PRKDC: variants seen among roughly 807,000 people sequenced by gnomAD.
PRKDC encodes protein kinase, DNA-activated, catalytic subunit.
Under a neutral mutation model 486.9 loss-of-function variants are expected in PRKDC, and 82 were observed. The ratio of observed to expected loss-of-function variants is 0.17; its 90% confidence interval spans 0.14 to 0.20. The LOEUF is 0.20. Ranked by LOEUF, PRKDC falls within the 10% of genes least tolerant of loss-of-function variation. The pLI is 1.00. For missense variants in PRKDC, 4,504 were observed against 5,038.2 expected (o/e 0.89, Z 3.21); for synonymous variants, 1,895 against 1,837.0 (o/e 1.03, Z -0.81).
chr8:47,911,252 A>G (rs1243511910), intron 25 of PRKDC, among the ~76,000 whole-genome samples: 1 of 152,226 alleles, frequency 6.6e-6, no homozygotes, highest in Non-Finnish European at 1.5e-5. Flanking sequence ...GAGTTTAACT[A>G]ACTCCAAGTA....
At chr8:47,838,028 C>T (rs533571176) in intron 56 of PRKDC, among the ~76,000 whole-genome samples, 2 of 151,940 alleles carry the variant, frequency 1.3e-5, no homozygotes, top group Non-Finnish European at 2.9e-5. Context: ...CCCAGCTACT[C>T]GGGAGGCTGA....
At chr8:47,794,069 G>A (rs1255029074) in intron 74 of PRKDC, among the ~76,000 whole-genome samples, 1 of 152,096 alleles carries the variant, frequency 6.6e-6, no homozygotes, top group Non-Finnish European at 1.5e-5. Context: ...TGAGCAGAAT[G>A]TTTTGTTAGC....
intron 7 of PRKDC, among the ~76,000 whole-genome samples, chr8:47,950,452 C>G (rs904682332): frequency 6.6e-6 from 1 of 150,924 alleles, no homozygotes; most frequent in Non-Finnish European, 1.5e-5. Context: ...GGTGAAACCC[C>G]GTCTCTGCTA....
chr8:47,824,243 C>G (rs970885154), intron 63 of PRKDC, among the ~76,000 whole-genome samples: 3 of 151,980 alleles, frequency 2.0e-5, no homozygotes, highest in African/African-American at 7.2e-5. Context: ...CTGGGACGGG[C>G]GTGGCGGCTC....
chr8:47,828,343 T>A lies in PRKDC; in HGVS notation c.8402A>T (p.Asp2801Val). 1 of 1,551,454 alleles carries A rather than the reference T, an allele frequency of 6.4e-7. No individual in the cohort carries two copies. The highest frequency in any genetic ancestry group is 8.7e-7 in the Non-Finnish European group (1 of 1,151,190). Residue 2801 changes from aspartate (D) to valine (V), a missense_variant, in exon 62 of 86, where the codon GAC becomes GTC. Asp to Val is a radical substitution (Grantham distance 152). This residue lies in a region of PRKDC where 1,592 missense variants were observed against 1,724.6 expected (regional missense o/e 0.92). Coordinates refer to ENST00000314191, the MANE Select transcript of PRKDC (RefSeq NM_006904.7). ...AAAGAGCTGTTTTGCAATTATTGGG[T>A]CCCTCTGTAAAAAATTCAAAACAAA... is the stretch of plus-strand genomic sequence containing the variant. ...ITPLQAVAQR[D>V]PIIAKQLFSS...
In PRKDC at chr8:47,801,114, C is replaced by T. The variant is rs570664611; in HGVS notation, c.9923-128G>A. Reference sequence around the variant, plus strand: ...TGGGATAGGGTCTCGCTCTGTTACCCAGGCTGGAGTGCAACGACACGATTT... The same window carrying T: ...TGGGATAGGGTCTCGCTCTGTTACCTAGGCTGGAGTGCAACGACACGATTT... On this transcript the variant is annotated intron_variant, in intron 70 of 85. Coordinates refer to ENST00000314191, the MANE Select transcript of PRKDC (RefSeq NM_006904.7). The T allele has an allele frequency of 2.7e-5, 25 of 912,170 alleles. No individual in the cohort carries two copies. The African/African-American group carries it at 4.2e-4, about 15-fold the overall frequency. 56.5% of individuals were successfully genotyped at this position (912,170 alleles called of 1,614,324 possible). A position where few individuals can be genotyped will look rare whatever the true frequency, so the allele number is the denominator to read the frequency against.
chr8:47,959,782 C>T (rs970437588), intron 1 of PRKDC, among the ~76,000 whole-genome samples, 191 bp downstream of exon 1: 1 of 152,142 alleles, frequency 6.6e-6, no homozygotes, highest in Non-Finnish European at 1.5e-5. Flanking sequence ...AAATATCTTT[C>T]CTCTAATACT....
chr8:47,931,694 T>TC (rs2090257444), intron 16 of PRKDC, among the ~76,000 whole-genome samples: 1 of 152,166 alleles, frequency 6.6e-6, no homozygotes, highest in Non-Finnish European at 1.5e-5. Flanking sequence ...CTTGTCTAAC[T>TC]TCTCAGGACT....
At chr8:47,942,657 G>A (rs2090464314) in intron 10 of PRKDC, among the ~76,000 whole-genome samples, 1 of 152,108 alleles carries the variant, frequency 6.6e-6, no homozygotes, top group African/African-American at 2.4e-5. Context: ...TTCCTTAATG[G>A]CCAGGCCCCT....
chr8:47,798,153 A>T, intron 73 of PRKDC, 84 bp downstream of exon 73: 1 of 1,410,644 alleles, frequency 7.1e-7, no homozygotes, highest in East Asian at 2.3e-5. Context: ...CATGCACTGC[A>T]CACACTAACG....
Position 47,881,382 on chromosome 8 carries a change from T to C in PRKDC, c.5067+34A>G, listed in dbSNP as rs184077261. 1.7e-3 allele frequency: 2,071 copies of C among 1,201,874 alleles called. 10 individuals are homozygous for C. The highest frequency in any genetic ancestry group is 1.2e-3 in the Non-Finnish European group (1,034 of 841,334). The allele number at this position is 1,201,874 out of a possible 1,614,324, so 74.5% of individuals were successfully genotyped here. On this transcript the variant is annotated intron_variant, in intron 38 of 85. Coordinates refer to ENST00000314191, the MANE Select transcript of PRKDC (RefSeq NM_006904.7). ...TAAAAAATACGAAAACAGAAGAGAA[T>C]GTAATCCAAAAAAATAAATATTTCA...
chr8:47,869,315 A>C (rs1374992308), intron 40 of PRKDC, among the ~76,000 whole-genome samples: 1 of 151,546 alleles, frequency 6.6e-6, no homozygotes, highest in East Asian at 2.0e-4. Context: ...TTTGTCTTGC[A>C]ACTGGGATAC....
intron 21 of PRKDC, among the ~76,000 whole-genome samples, chr8:47,923,788 C>T (rs2090112538): frequency 6.6e-6 from 1 of 152,196 alleles, no homozygotes; most frequent in African/African-American, 2.4e-5. Context: ...GTCCTCCAAT[C>T]ACATGGAACT....
intron 39 of PRKDC, 49 bp downstream of exon 39, chr8:47,879,442 G>GA (rs375696846): frequency 0.036 from 41,815 of 1,163,042 alleles, 18 homozygotes; most frequent in South Asian, 0.071. Flanking sequence ...TATGTAACAA[G>GA]AAAAAAAAAA....
intron 76 of PRKDC, among the ~76,000 whole-genome samples, chr8:47,787,803 G>C (rs2086815731): frequency 6.6e-6 from 1 of 152,198 alleles, no homozygotes; most frequent in Non-Finnish European, 1.5e-5. Context: ...GAGGCTATGT[G>C]GAGGCCCTGC....
intron 85 of PRKDC, among the ~76,000 whole-genome samples, chr8:47,775,364 ATTTTTTT>A (rs761373021): frequency 1.1e-5 from 1 of 87,556 alleles, no homozygotes; most frequent in South Asian, 3.8e-4. Flanking sequence ...TCTTTTGACC[ATTTTTTT>A]TTTTTTTTTT....
chr8:47,778,422 C>T (rs1411911997), intron 83 of PRKDC, 37 bp downstream of exon 83: 1 of 1,590,574 alleles, frequency 6.3e-7, no homozygotes, highest in Non-Finnish European at 8.6e-7. Flanking sequence ...TGATGACTCT[C>T]GCCTTGCCCA....
intron 72 of PRKDC, 61 bp from the exon 73 acceptor site, chr8:47,798,458 A>G: frequency 1.4e-6 from 2 of 1,458,086 alleles, no homozygotes; most frequent in Admixed American, 2.6e-5. Context: ...ATAAACTATG[A>G]TGTTAAATGC....
chr8:47,878,255 G>A (rs1306494387), intron 39 of PRKDC, among the ~76,000 whole-genome samples: 6 of 151,826 alleles, frequency 4.0e-5, no homozygotes, highest in East Asian at 1.9e-4. Context: ...ACAGGCGCCC[G>A]CCACCACGCC....
Sources: gnomAD v4.1 joint callset for allele counts (sites outside exome capture counted in the v4.1 genomes callset) on GRCh38, gnomAD v4.1.1 for gene constraint, gnomAD v4.1.1 regional missense constraint, MANE v1.5 for transcripts, NCBI Gene and HGNC (gene_info 2026-07-23, HGNC 2026-07-21) for gene names.